The following CCSER1 variants were observed in gnomAD, a reference collection of about 807,000 sequenced individuals.
CCSER1 encodes serine-rich coiled-coil domain-containing protein 1.
In CCSER1, 41 loss-of-function variants were observed where a neutral mutation model predicts 82.0. The observed-to-expected ratio is 0.50, with a 90% CI of 0.39 to 0.65. The LOEUF is 0.65. Ranked by LOEUF, CCSER1 falls within the 30% of genes least tolerant of loss-of-function variation. The pLI, the probability that CCSER1 is intolerant of heterozygous loss-of-function variation, is 0.00. For synonymous variants in CCSER1, 414 were observed against 383.9 expected, an observed-to-expected ratio of 1.08 and a Z score of -0.92; for missense variants, 1,119 against 1,064.2, an observed-to-expected ratio of 1.05 and a Z score of -0.72.
rs531572544 is a variant in CCSER1 at position 90,165,214 on chromosome 4, C to G, written c.-42+37383C>G. Reference sequence around the variant, plus strand: ...TATTAAGTTTCACTATACACAATAGCTGGTGTTATGCCTGTCATTGGAAGT... The same window carrying G: ...TATTAAGTTTCACTATACACAATAGGTGGTGTTATGCCTGTCATTGGAAGT... On this transcript the variant is annotated intron_variant, in intron 1 of 10. Transcript: ENST00000509176. Among the ~76,000 whole-genome samples the G allele has an allele frequency of 1.7e-4, 26 of 152,162 alleles. No homozygotes were observed. The East Asian group carries it at 2.3e-3, about 14-fold the overall frequency.
At chr4:91,426,951 C>T (rs1284029453) in intron 10 of CCSER1, among the ~76,000 whole-genome samples, 3 of 152,064 alleles carry the variant, frequency 2.0e-5, no homozygotes, top group Non-Finnish European at 4.4e-5. Flanking sequence ...TAAGTAGATG[C>T]TGTTACCATC....
At chr4:91,307,388 T>G (rs1745146947) in intron 10 of CCSER1, among the ~76,000 whole-genome samples, 1 of 151,970 alleles carries the variant, frequency 6.6e-6, no homozygotes, top group African/African-American at 2.4e-5. Flanking sequence ...CCTAGAGAAT[T>G]ATTTTCTAAC....
At chr4:91,559,283 T>C (rs6820623) in intron 10 of CCSER1, among the ~76,000 whole-genome samples, 14,941 of 151,632 alleles carry the variant, frequency 0.099, 936 homozygotes, top group East Asian at 0.15. Context: ...AAAATTCTAA[T>C]ACTTTATTCT....
chr4:91,147,203 C>T (rs1341162362), intron 10 of CCSER1, among the ~76,000 whole-genome samples: 6 of 152,118 alleles, frequency 3.9e-5, no homozygotes, highest in African/African-American at 7.2e-5. Flanking sequence ...CCAGGCAGGG[C>T]GGTGGTTTCA....
At chr4:91,330,254 G>T (rs1746854602) in intron 10 of CCSER1, among the ~76,000 whole-genome samples, 1 of 151,884 alleles carries the variant, frequency 6.6e-6, no homozygotes, top group African/African-American at 2.4e-5. Flanking sequence ...ATCTTTTATG[G>T]TTATTGATGC....
At chr4:91,232,949 T>C (rs1055986185) in intron 10 of CCSER1, among the ~76,000 whole-genome samples, 8 of 151,846 alleles carry the variant, frequency 5.3e-5, no homozygotes, top group African/African-American at 1.9e-4. Flanking sequence ...GGTAGATATG[T>C]ATAAAAGCTT....
chr4:90,610,972 G>C (rs1452580854), intron 5 of CCSER1, among the ~76,000 whole-genome samples: 1 of 151,666 alleles, frequency 6.6e-6, no homozygotes, highest in Non-Finnish European at 1.5e-5. Flanking sequence ...TCCCCTTCCA[G>C]GTTCAAGCAA....
At chr4:90,646,953 T>TC (rs917177659) in intron 6 of CCSER1, among the ~76,000 whole-genome samples, 4 of 151,862 alleles carry the variant, frequency 2.6e-5, no homozygotes, top group Non-Finnish European at 5.9e-5. Context: ...AATACCCTCA[T>TC]CCCCCCACCC....
At position 91,356,811 on chromosome 4, in the gene CCSER1, G is replaced by A. The variant is rs376178183; in HGVS notation, c.2218-241761G>A. 2.2e-3 allele frequency among the ~76,000 whole-genome samples: 335 copies of A among 152,258 alleles called. 1 individual carries two copies. The highest frequency in any genetic ancestry group is 7.4e-3 in the African/African-American group (307 of 41,550). ...ACTTAGTGTTGGGAGACGGAAGCTGGATGGCCCTCGGGGATGACCTGCAGG... is the reference window on the plus strand; with the variant it reads ...ACTTAGTGTTGGGAGACGGAAGCTGAATGGCCCTCGGGGATGACCTGCAGG... On this transcript the variant is annotated intron_variant, in intron 10 of 10. Coordinates refer to ENST00000509176, the MANE Select transcript of CCSER1 (RefSeq NM_001145065.2).
At chr4:90,834,809 T>C (rs2149837481) in intron 8 of CCSER1, among the ~76,000 whole-genome samples, 1 of 152,294 alleles carries the variant, frequency 6.6e-6, no homozygotes, top group South Asian at 2.1e-4. Context: ...CAGAATAAGA[T>C]GTGTAAGCAC....
At chr4:91,225,809 T>C (rs370466498) in intron 10 of CCSER1, among the ~76,000 whole-genome samples, 2 of 151,832 alleles carry the variant, frequency 1.3e-5, no homozygotes, top group Non-Finnish European at 2.9e-5. Flanking sequence ...TTACATTGCA[T>C]ACTCAGAAAA....
At chr4:90,855,900 A>G (rs1580795040) in intron 8 of CCSER1, among the ~76,000 whole-genome samples, 2 of 152,232 alleles carry the variant, frequency 1.3e-5, no homozygotes, top group African/African-American at 2.4e-5. Context: ...TTACATGTGA[A>G]TGACACTCAT....
intron 9 of CCSER1, among the ~76,000 whole-genome samples, chr4:90,968,889 C>G (rs895843875): frequency 2.6e-5 from 4 of 151,300 alleles, no homozygotes; most frequent in African/African-American, 7.3e-5. Flanking sequence ...TTTAAGGAAG[C>G]TCAAGATGCT....
chr4:90,593,924 C>T (rs765053528), intron 5 of CCSER1, among the ~76,000 whole-genome samples: 6 of 151,942 alleles, frequency 3.9e-5, no homozygotes, highest in Non-Finnish European at 7.4e-5. Flanking sequence ...TTATGTTCAG[C>T]TCATAGTAGG....
chr4:91,037,693 A>G (rs958252659), intron 9 of CCSER1, among the ~76,000 whole-genome samples: 15 of 152,034 alleles, frequency 9.9e-5, no homozygotes, highest in Admixed American at 4.6e-4. Flanking sequence ...AGATAACTCC[A>G]CGGAGAAAGA....
At chr4:90,627,085 T>A (rs1326206851) in intron 5 of CCSER1, among the ~76,000 whole-genome samples, 2 of 152,172 alleles carry the variant, frequency 1.3e-5, no homozygotes, top group African/African-American at 4.8e-5. Context: ...TAGCCATAAT[T>A]TTTTATTCCT....
intron 1 of CCSER1, among the ~76,000 whole-genome samples, chr4:90,273,018 C>A (rs200899279): frequency 0.048 from 6,990 of 145,800 alleles, 417 homozygotes; most frequent in African/African-American, 0.15. Context: ...AACAAACAAA[C>A]AAACAAAAAA....
At chr4:91,317,603 CGT>C (rs901591752) in intron 10 of CCSER1, among the ~76,000 whole-genome samples, 30 of 148,522 alleles carry the variant, frequency 2.0e-4, no homozygotes, top group East Asian at 1.8e-3. Context: ...TGTGTGTGTG[CGT>C]GTGTGTGTGT....
At chr4:90,327,233 C>A (rs772958291) in intron 3 of CCSER1, among the ~76,000 whole-genome samples, 1 of 152,164 alleles carries the variant, frequency 6.6e-6, no homozygotes, top group Non-Finnish European at 1.5e-5. Flanking sequence ...AATATCTGTT[C>A]TATTCTTGCA....
Sources: gnomAD v4.1 joint callset for allele counts (sites outside exome capture counted in the v4.1 genomes callset) on GRCh38, gnomAD v4.1.1 for gene constraint, MANE v1.5 for transcripts, NCBI Gene and HGNC (gene_info 2026-07-23, HGNC 2026-07-21) for gene names.